ABCC1: variants seen among roughly 807,000 people sequenced by gnomAD.
ABCC1 encodes the protein multidrug resistance-associated protein 1.
In ABCC1, 83 loss-of-function variants were observed where a neutral mutation model predicts 172.9. That is an observed-to-expected ratio of 0.48 (90% CI 0.40 to 0.58). ABCC1 has a LOEUF of 0.58. Among genes scored for constraint, ABCC1 ranks in the 20% least tolerant of loss-of-function variants. The pLI, the probability that ABCC1 is intolerant of heterozygous loss-of-function variation, is 0.00. For synonymous variants in ABCC1, 937 were observed against 825.2 expected (o/e 1.14, Z -2.32); for missense variants, 1,817 against 2,002.7 (o/e 0.91, Z 1.77).
At chr16:16,021,298 C>T (rs2048183733) in intron 5 of ABCC1, among the ~76,000 whole-genome samples, 1 of 151,456 alleles carries the variant, frequency 6.6e-6, no homozygotes, top group Non-Finnish European at 1.5e-5. Context: ...GAAGGCTTGG[C>T]ATGGTGTCAA....
intron 1 of ABCC1, among the ~76,000 whole-genome samples, chr16:15,998,728 T>C (rs2047143523): frequency 6.6e-6 from 1 of 152,198 alleles, no homozygotes; most frequent in South Asian, 2.1e-4. Context: ...TGACCTCTCC[T>C]TCCCTGGAGT....
chr16:16,006,055 A>AT (rs2047520903), intron 1 of ABCC1, among the ~76,000 whole-genome samples: 2 of 152,104 alleles, frequency 1.3e-5, no homozygotes, highest in South Asian at 2.1e-4. Flanking sequence ...ATCTAATCTA[A>AT]TTTTTTTAAA....
intron 1 of ABCC1, among the ~76,000 whole-genome samples, chr16:15,993,623 G>A (rs2046951861): frequency 6.6e-6 from 1 of 152,042 alleles, no homozygotes; most frequent in African/African-American, 2.4e-5. Flanking sequence ...AGAATTATTT[G>A]GGCTCAAATA....
In ABCC1 at chr16:16,112,636, C is replaced by A. The variant is rs570049662; in HGVS notation, c.3079+1054C>A. 1.6e-3 allele frequency among the ~76,000 whole-genome samples: 246 copies of A among 152,320 alleles called. 3 individuals are homozygous for A. The highest frequency in any genetic ancestry group is 2.6e-4 in the Non-Finnish European group (18 of 68,036). On this transcript the variant is annotated intron_variant, in intron 22 of 30. Transcript: ENST00000399410. Reference sequence around the variant, plus strand: ...GTTGCCAAAAGTCACACAGCTAATACATGGCAGCATTGGCATTGAACAAGG... The same window carrying A: ...GTTGCCAAAAGTCACACAGCTAATAAATGGCAGCATTGGCATTGAACAAGG...
At chr16:16,120,879 A>G (rs2045120541) in intron 23 of ABCC1, among the ~76,000 whole-genome samples, 1 of 152,122 alleles carries the variant, frequency 6.6e-6, no homozygotes, top group Non-Finnish European at 1.5e-5. Flanking sequence ...CGGCCATTGC[A>G]TGGACACAGT....
At chr16:16,064,383 C>T (rs143593105) in intron 12 of ABCC1, among the ~76,000 whole-genome samples, 9 of 152,304 alleles carry the variant, frequency 5.9e-5, no homozygotes, top group African/African-American at 1.9e-4. Flanking sequence ...CTAGACTGTG[C>T]GTCTCAGGGT....
intron 21 of ABCC1, among the ~76,000 whole-genome samples, chr16:16,107,353 G>A (rs190243655): frequency 1.3e-5 from 2 of 152,128 alleles, no homozygotes; most frequent in African/African-American, 2.4e-5. Flanking sequence ...GCAGTGGTGC[G>A]ATCTCGGCTC....
At chr16:15,974,320 A>G (rs915919079) in intron 1 of ABCC1, among the ~76,000 whole-genome samples, 2 of 152,134 alleles carry the variant, frequency 1.3e-5, no homozygotes, top group Admixed American at 1.3e-4. Flanking sequence ...GCTTGAGATT[A>G]TCAGAGATCA....
chr16:16,027,174 C>A (rs1009915122), intron 5 of ABCC1, among the ~76,000 whole-genome samples: 14 of 152,080 alleles, frequency 9.2e-5, no homozygotes, highest in Non-Finnish European at 2.9e-5. Context: ...CTGTTTTCAC[C>A]CCTTAATCAC....
intron 19 of ABCC1, among the ~76,000 whole-genome samples, chr16:16,099,353 G>A (rs1050734241): frequency 5.3e-5 from 8 of 152,234 alleles, no homozygotes; most frequent in African/African-American, 1.9e-4. Flanking sequence ...GCAGCAGGTG[G>A]TGGTGGGGAC....
chr16:16,128,897 A>C (rs2045556792), intron 26 of ABCC1, among the ~76,000 whole-genome samples: 1 of 152,168 alleles, frequency 6.6e-6, no homozygotes, highest in Non-Finnish European at 1.5e-5. Context: ...TGGGAGGCTG[A>C]GGTGGGAGGA....
intron 1 of ABCC1, among the ~76,000 whole-genome samples, chr16:15,951,133 A>G (rs1281094558): frequency 6.6e-6 from 1 of 152,170 alleles, no homozygotes; most frequent in Non-Finnish European, 1.5e-5. Context: ...CCTTGTTGCC[A>G]GGTGTAGTAA....
intron 22 of ABCC1, among the ~76,000 whole-genome samples, chr16:16,113,579 C>T (rs972144428): frequency 1.3e-5 from 2 of 152,104 alleles, no homozygotes; most frequent in African/African-American, 4.8e-5. Context: ...TGCTTGAGCC[C>T]AGGAGGTCGA....
intron 9 of ABCC1, among the ~76,000 whole-genome samples, chr16:16,046,344 C>CT (rs963805903): frequency 1.1e-3 from 160 of 150,888 alleles, no homozygotes; most frequent in African/African-American, 3.4e-3. Flanking sequence ...TGTTGTCACT[C>CT]TTTTTTTTTC....
chr16:15,978,153 T>G (rs45495296), intron 1 of ABCC1, among the ~76,000 whole-genome samples: 1 of 152,220 alleles, frequency 6.6e-6, no homozygotes, highest in Non-Finnish European at 1.5e-5. Context: ...GAGGATTGCT[T>G]GAGGCCAGGA....
At chr16:16,047,146 C>T (rs989502285) in intron 9 of ABCC1, among the ~76,000 whole-genome samples, 1 of 151,904 alleles carries the variant, frequency 6.6e-6, no homozygotes, top group African/African-American at 2.4e-5. Context: ...TGCAGTGAGT[C>T]CTGATAGCAT....
intron 14 of ABCC1, 67 bp from the exon 15 acceptor site, chr16:16,076,257 AAG>A (rs1313148890): frequency 5.4e-6 from 8 of 1,472,954 alleles, no homozygotes; most frequent in African/African-American, 3.1e-5. Context: ...CAAGCAGAGA[AAG>A]AGAGTGTTCT....
chr16:16,037,347 C>A (rs571191917), intron 7 of ABCC1, among the ~76,000 whole-genome samples: 9 of 152,292 alleles, frequency 5.9e-5, no homozygotes, highest in African/African-American at 1.9e-4. Context: ...GCTCTACCCC[C>A]TATGTAAGGC....
chr16:16,107,740 G>A (rs1455071980), intron 21 of ABCC1, among the ~76,000 whole-genome samples: 2 of 151,976 alleles, frequency 1.3e-5, no homozygotes, highest in African/African-American at 2.4e-5. Flanking sequence ...TTTAAAGATC[G>A]TCTATTTTGG....
Sources: allele counts gnomAD v4.1 joint callset (sites outside exome capture counted in the v4.1 genomes callset), GRCh38; gene constraint gnomAD v4.1.1; transcripts MANE v1.5; gene names NCBI Gene and HGNC (gene_info 2026-07-23, HGNC 2026-07-21).